Variants in MSRB3 observed in about 807,000 individuals in gnomAD.
MSRB3 encodes the protein methionine sulfoxide reductase B3, also known as methionine-R-sulfoxide reductase B3.
In MSRB3, 13 loss-of-function variants were observed where a neutral mutation model predicts 21.0. That is an observed-to-expected ratio of 0.62 (90% confidence interval 0.40 to 0.98). MSRB3 has a LOEUF of 0.98. Ranked by LOEUF, MSRB3 falls within the 50% of genes least tolerant of loss-of-function variation. The probability of loss-of-function intolerance (pLI) is 0.00; values close to 1 mark genes in which losing one functional copy is unlikely to be tolerated. For missense variants in MSRB3, 199 were observed against 230.3 expected (o/e 0.86, Z 0.88); for synonymous variants, 87 against 88.6 (o/e 0.98, Z 0.10).
At chr12:65,301,876 G>T (rs1873353708) in intron 1 of MSRB3, among the ~76,000 whole-genome samples, 1 of 152,126 alleles carries the variant, frequency 6.6e-6, no homozygotes, top group South Asian at 2.1e-4. Context: ...GATTGCAGGA[G>T]CAGAGATGAG....
At chr12:65,407,115 G>A (rs1880456240) in intron 5 of MSRB3, among the ~76,000 whole-genome samples, 1 of 152,134 alleles carries the variant, frequency 6.6e-6, no homozygotes, top group Admixed American at 6.6e-5. Context: ...CAGACACATA[G>A]GCCAATGGAG....
At position 65,345,624 on chromosome 12, in the gene MSRB3, A is replaced by C. The variant is rs148518957; in HGVS notation, c.263+17021A>C. Among the ~76,000 whole-genome samples, 1,230 of 152,278 alleles carry C rather than the reference A, an allele frequency of 8.1e-3. 17 individuals are homozygous for C. The highest frequency in any genetic ancestry group is 0.029 in the African/African-American group (1,188 of 41,566). Reference sequence around the variant, plus strand: ...GCTTTAAGTTTTAGGGTACGTATGCACAACGTGCAGGTTTGTTACATATGT... The same window carrying C: ...GCTTTAAGTTTTAGGGTACGTATGCCCAACGTGCAGGTTTGTTACATATGT... On this transcript the variant is annotated intron_variant, in intron 4 of 6. Transcript: ENST00000308259.
intron 5 of MSRB3, among the ~76,000 whole-genome samples, chr12:65,401,708 TG>T (rs201756804): frequency 0.018 from 2,704 of 152,310 alleles, 91 homozygotes; most frequent in African/African-American, 0.062. Flanking sequence ...ATAGCGTTGA[TG>T]GTCTTTACAA....
chr12:65,417,239 A>G (rs977367339), intron 5 of MSRB3, among the ~76,000 whole-genome samples: 1 of 152,168 alleles, frequency 6.6e-6, no homozygotes. Flanking sequence ...CCCCTCATTA[A>G]GGGAATTAAT....
intron 5 of MSRB3, among the ~76,000 whole-genome samples, chr12:65,373,496 A>G (rs1398902506): frequency 6.6e-6 from 1 of 152,138 alleles, no homozygotes; most frequent in Admixed American, 6.5e-5. Context: ...TTCATGGTCC[A>G]TAAACATTCA....
chr12:65,434,016 T>G (rs1882006148), intron 5 of MSRB3, among the ~76,000 whole-genome samples: 1 of 151,978 alleles, frequency 6.6e-6, no homozygotes, highest in Admixed American at 6.6e-5. Flanking sequence ...GGTGCTTACT[T>G]TTCTAAGTGT....
At chr12:65,336,951 G>A (rs1038730693) in intron 4 of MSRB3, among the ~76,000 whole-genome samples, 6 of 152,176 alleles carry the variant, frequency 3.9e-5, no homozygotes, top group African/African-American at 1.4e-4. Flanking sequence ...TGTCTTAAAA[G>A]TTTTAGCAGA....
intron 6 of MSRB3, among the ~76,000 whole-genome samples, chr12:65,462,437 C>T (rs1883371765): frequency 6.6e-6 from 1 of 152,160 alleles, no homozygotes; most frequent in African/African-American, 2.4e-5. Flanking sequence ...CTCTTCTTCC[C>T]CAGCTTTTTG....
At chr12:65,386,661 T>C (rs1331552584) in intron 5 of MSRB3, among the ~76,000 whole-genome samples, 3 of 152,104 alleles carry the variant, frequency 2.0e-5, no homozygotes, top group South Asian at 2.1e-4. Context: ...TTTCATGTTG[T>C]AGCTTAAATT....
chr12:65,343,410 C>T (rs1305166157), intron 4 of MSRB3, among the ~76,000 whole-genome samples: 4 of 152,062 alleles, frequency 2.6e-5, no homozygotes, highest in Non-Finnish European at 4.4e-5. Context: ...CTTCCATCTT[C>T]CTGTAGCACT....
chr12:65,303,318 TAAAAC>T (rs1394358243), intron 1 of MSRB3, among the ~76,000 whole-genome samples: 2 of 152,132 alleles, frequency 1.3e-5, no homozygotes, highest in East Asian at 1.9e-4. Flanking sequence ...GGAAAAAAGA[TAAAAC>T]AAAACCCTAG....
At chr12:65,425,498 CTCTA>C (rs1057459111) in intron 5 of MSRB3, among the ~76,000 whole-genome samples, 117 of 152,120 alleles carry the variant, frequency 7.7e-4, no homozygotes, top group African/African-American at 2.7e-3. Flanking sequence ...ATTTCTCACT[CTCTA>C]TCTTTTGTAT....
chr12:65,396,548 G>A (rs1335322274), intron 5 of MSRB3, among the ~76,000 whole-genome samples: 1 of 151,976 alleles, frequency 6.6e-6, no homozygotes, highest in Non-Finnish European at 1.5e-5. Context: ...AAAATTTGCT[G>A]GGTGTGGCAG....
intron 4 of MSRB3, among the ~76,000 whole-genome samples, chr12:65,366,629 A>G (rs1013041745): frequency 2.0e-5 from 3 of 152,150 alleles, no homozygotes; most frequent in Non-Finnish European, 4.4e-5. Context: ...CTTGATGACT[A>G]ATTAGATATT....
At chr12:65,353,986 G>C (rs1004687120) in intron 4 of MSRB3, among the ~76,000 whole-genome samples, 11 of 151,890 alleles carry the variant, frequency 7.2e-5, no homozygotes, top group African/African-American at 2.7e-4. Flanking sequence ...CACTTATGAA[G>C]CTTAGTTTGG....
At chr12:65,398,228 A>C (rs1162929278) in intron 5 of MSRB3, among the ~76,000 whole-genome samples, 1 of 152,210 alleles carries the variant, frequency 6.6e-6, no homozygotes, top group Non-Finnish European at 1.5e-5. Flanking sequence ...TCCTACCAAC[A>C]GTGTAAAAGC....
intron 1 of MSRB3, among the ~76,000 whole-genome samples, chr12:65,298,646 T>G (rs976735495): frequency 2.0e-5 from 3 of 152,194 alleles, no homozygotes; most frequent in Admixed American, 1.3e-4. Flanking sequence ...TTCTCTTTTA[T>G]CTGCTATATC....
intron 4 of MSRB3, among the ~76,000 whole-genome samples, chr12:65,341,663 AC>A (rs1876151890): frequency 6.6e-6 from 1 of 152,030 alleles, no homozygotes; most frequent in African/African-American, 2.4e-5. Context: ...ATCTTAGGTA[AC>A]CCATAAGTAT....
chr12:65,381,428 G>T (rs1355727154), intron 5 of MSRB3, among the ~76,000 whole-genome samples: 1 of 152,112 alleles, frequency 6.6e-6, no homozygotes. Flanking sequence ...ACATTCAACT[G>T]CAATGTGTAG....
Sources: gnomAD v4.1 joint callset for allele counts (sites outside exome capture counted in the v4.1 genomes callset) on GRCh38, gnomAD v4.1.1 for gene constraint, MANE v1.5 for transcripts, NCBI Gene and HGNC (gene_info 2026-07-23, HGNC 2026-07-21) for gene names.